RAB27B: variants seen among roughly 807,000 people sequenced by gnomAD.
RAB27B encodes ras-related protein Rab-27B.
A neutral mutation model predicts 24.6 loss-of-function variants in RAB27B; 15 were observed. The observed-to-expected ratio is 0.61, with a 90% CI of 0.41 to 0.94. The LOEUF (loss-of-function observed/expected upper bound fraction) is 0.94, where lower values mean the gene tolerates loss of function less well. Among genes scored for constraint, RAB27B ranks in the 40% least tolerant of loss-of-function variants. RAB27B has a pLI of 0.00. For missense variants in RAB27B, 261 were observed against 266.8 expected, an observed-to-expected ratio of 0.98 and a Z score of 0.15; for synonymous variants, 105 against 92.5, an observed-to-expected ratio of 1.14 and a Z score of -0.78.
In RAB27B at chr18:54,889,807, T is replaced by A. The variant is rs1913295680; in HGVS notation, c.*394T>A. The A allele has an allele frequency of 6.4e-6, 1 of 155,444 alleles. No individual in the cohort carries two copies. The highest frequency in any genetic ancestry group is 2.4e-5 in the African/African-American group (1 of 41,536). 9.6% of individuals were successfully genotyped at this position (155,444 alleles called of 1,614,324 possible). On this transcript the variant is annotated 3_prime_UTR_variant, in exon 6 of 6. Transcript: ENST00000262094. ...CACAGAAAGAAGAATTTCTAAAATA[T>A]TGGATTTACTTCTTATATTGAGTCA...
At chr18:54,803,487 G>A (rs757801892) in intron 2 of RAB27B, among the ~76,000 whole-genome samples, 1 of 152,200 alleles carries the variant, frequency 6.6e-6, no homozygotes, top group Non-Finnish European at 1.5e-5. Context: ...TCAGTAGACA[G>A]TAGAGGTTTC....
intron 2 of RAB27B, among the ~76,000 whole-genome samples, chr18:54,763,778 T>C (rs2145055754): frequency 6.6e-6 from 1 of 152,278 alleles, no homozygotes; most frequent in Middle Eastern, 3.4e-3. Flanking sequence ...ACATCCATTT[T>C]AAGTACTAAA....
intron 2 of RAB27B, among the ~76,000 whole-genome samples, chr18:54,779,464 C>T (rs1908821078): frequency 6.6e-6 from 1 of 152,138 alleles, no homozygotes; most frequent in Admixed American, 6.5e-5. Context: ...TTGGACAAAT[C>T]CCCAAGACTG....
chr18:54,877,631 G>A lies in RAB27B; in HGVS notation c.46G>A (p.Gly16Arg), dbSNP rs772473656. The A allele has an allele frequency of 6.9e-6, 11 of 1,591,476 alleles. No homozygotes were observed. The highest frequency in any genetic ancestry group is 6.8e-6 in the Non-Finnish European group (8 of 1,173,282). ...YDYLIKLLAL[G>R]DSGVGKTTFL... is the part of the protein sequence containing the mutation. Reference sequence around the variant, plus strand: ...TTATCTGATCAAACTCCTGGCCCTCGGGGATTCAGGGGTGGGGAAGACAAC... The same window carrying A: ...TTATCTGATCAAACTCCTGGCCCTCAGGGATTCAGGGGTGGGGAAGACAAC... The change falls in exon 2 of 6, where the codon GGG becomes AGG. Residue 16 changes from glycine to arginine, a missense_variant. Gly to Arg is a moderately radical substitution (Grantham distance 125, BLOSUM62 -2). Transcript: ENST00000262094.
At chr18:54,769,713 T>C (rs1908482936) in intron 2 of RAB27B, among the ~76,000 whole-genome samples, 2 of 152,246 alleles carry the variant, frequency 1.3e-5, no homozygotes, top group Admixed American at 1.3e-4. Context: ...TTCTAATCCA[T>C]GTGGTATTTG....
intron 3 of RAB27B, 96 bp from the exon 4 acceptor site, chr18:54,884,237 C>T (rs927628646): frequency 2.5e-5 from 18 of 727,830 alleles, no homozygotes; most frequent in South Asian, 1.5e-4. Context: ...GGGCCAGTCA[C>T]GGAGAATTCA....
chr18:54,884,153 A>G (rs565281843), intron 3 of RAB27B, among the ~76,000 whole-genome samples, 180 bp from the exon 4 acceptor site: 1 of 152,166 alleles, frequency 6.6e-6, no homozygotes, highest in East Asian at 1.9e-4. Flanking sequence ...AAAAAAAACT[A>G]CAACCAAATC....
At position 54,895,334 on chromosome 18, in the gene RAB27B, T is replaced by C. The variant is rs181239244; in HGVS notation, c.*5921T>C. The C allele has an allele frequency of 5.4e-4, 82 of 152,224 alleles. No individual in the cohort carries two copies. The highest frequency in any genetic ancestry group is 1.8e-3 in the African/African-American group (73 of 41,570). 9.4% of individuals were successfully genotyped at this position (152,224 alleles called of 1,614,324 possible). A position where few individuals can be genotyped will look rare whatever the true frequency, so the allele number is the denominator to read the frequency against. ...AGTTTTTATTCTATATGCCCCTTAA[T>C]AGACTGTGGTTCCTGACGCACACTG... On this transcript the variant is annotated 3_prime_UTR_variant, in exon 6 of 6. Coordinates refer to ENST00000262094, the MANE Select transcript of RAB27B (RefSeq NM_004163.4).
intron 2 of RAB27B, chr18:54,718,156 C>T (rs533957300): frequency 2.8e-4 from 42 of 152,210 alleles, no homozygotes; most frequent in African/African-American, 9.4e-4. Context: ...GTACGTTGGT[C>T]ACAGATCTCT....
chr18:54,773,617 G>A (rs1908622339), intron 2 of RAB27B, among the ~76,000 whole-genome samples: 1 of 151,990 alleles, frequency 6.6e-6, no homozygotes, highest in Non-Finnish European at 1.5e-5. Context: ...TCTTTGCCAT[G>A]AGGATTCACA....
chr18:54,823,807 G>T (rs753257024), upstream of RAB27B, among the ~76,000 whole-genome samples: 13 of 151,934 alleles, frequency 8.6e-5, no homozygotes, highest in Non-Finnish European at 1.6e-4. Context: ...AATATCTTTT[G>T]TTTCCTTATG....
chr18:54,741,819 T>TA (rs1568048723), intron 2 of RAB27B, among the ~76,000 whole-genome samples: 1 of 152,102 alleles, frequency 6.6e-6, no homozygotes, highest in South Asian at 2.1e-4. Flanking sequence ...TTTCTTTAAG[T>TA]AAAAAGTGAC....
chr18:54,782,441 C>CT (rs1488454570), intron 2 of RAB27B, among the ~76,000 whole-genome samples: 1 of 152,224 alleles, frequency 6.6e-6, no homozygotes, highest in African/African-American at 2.4e-5. Context: ...CTATGAAATA[C>CT]TTTTTTTGCA....
chr18:54,836,811 G>T lies in RAB27B; in HGVS notation c.-20+8111G>T, dbSNP rs150523913. On this transcript the variant is annotated intron_variant, in intron 1 of 5. Coordinates refer to ENST00000262094, the MANE Select transcript of RAB27B (RefSeq NM_004163.4). The stretch of plus-strand genomic sequence containing the variant: ...CACTTGATCCAAAAGATGAAAATAA[G>T]AAATCCAAGAATTAATGACATGCTT... Among the ~76,000 whole-genome samples, 5 of 151,378 alleles carry T rather than the reference G, an allele frequency of 3.3e-5. No homozygotes were observed. The East Asian group carries it at 9.6e-4, about 29-fold the overall frequency.
At chr18:54,837,114 GAGAGT>G (rs765162384) in intron 1 of RAB27B, among the ~76,000 whole-genome samples, 13 of 25,144 alleles carry the variant, frequency 5.2e-4, no homozygotes, top group Non-Finnish European at 2.6e-3. Flanking sequence ...TAGTAAAATA[GAGAGT>G]TACATGAGCA....
At chr18:54,739,549 T>C (rs992716252) in intron 2 of RAB27B, among the ~76,000 whole-genome samples, 16 of 145,370 alleles carry the variant, frequency 1.1e-4, no homozygotes, top group African/African-American at 2.4e-4. Flanking sequence ...TCTTTTTTTC[T>C]TTCTTTTTTT....
chr18:54,823,845 CTTTATT>C (rs943728796), upstream of RAB27B, among the ~76,000 whole-genome samples: 4 of 152,020 alleles, frequency 2.6e-5, no homozygotes, highest in African/African-American at 9.7e-5. Flanking sequence ...TTAAAATTAA[CTTTATT>C]TTTATTAAGG....
chr18:54,841,658 C>T (rs1401406861), intron 1 of RAB27B, among the ~76,000 whole-genome samples: 1 of 152,056 alleles, frequency 6.6e-6, no homozygotes, highest in African/African-American at 2.4e-5. Context: ...TAGCCAACTA[C>T]CAGGATAAGA....
intron 3 of RAB27B, chr18:54,879,808 G>T: frequency 1.0e-5 from 2 of 197,040 alleles, no homozygotes; most frequent in Non-Finnish European, 1.1e-5. Flanking sequence ...TTGAAGAAAG[G>T]GTGTTAAGAT....
Sources: gnomAD v4.1 joint callset for allele counts (sites outside exome capture counted in the v4.1 genomes callset) on GRCh38, gnomAD v4.1.1 for gene constraint, MANE v1.5 for transcripts, NCBI Gene and HGNC (gene_info 2026-07-23, HGNC 2026-07-21) for gene names.